LILRA2: variants seen among roughly 807,000 people sequenced by gnomAD.
LILRA2 encodes leukocyte immunoglobulin like receptor A2, also known as leukocyte immunoglobulin-like receptor subfamily A member 2.
In LILRA2, 45 loss-of-function variants were observed where a neutral mutation model predicts 47.9. The ratio of observed to expected loss-of-function variants is 0.94; its 90% CI spans 0.74 to 1.20. The LOEUF (loss-of-function observed/expected upper bound fraction) is 1.20. Ranked by LOEUF, LILRA2 falls within the 50% of genes most tolerant of loss-of-function variation. The pLI, the probability that LILRA2 is intolerant of heterozygous loss-of-function variation, is 0.00. For missense variants in LILRA2, 651 were observed against 598.2 expected, an observed-to-expected ratio of 1.09 and a Z score of -0.92; for synonymous variants, 279 against 249.2, an observed-to-expected ratio of 1.12 and a Z score of -1.13.
upstream of LILRA2, chr19:54,573,520 G>A: frequency 1.1e-6 from 1 of 878,196 alleles, no homozygotes; most frequent in African/African-American, 1.7e-5. Context: ...GGAAGAGGAA[G>A]CCTCTGCTCA....
At position 54,577,332 on chromosome 19, in the gene LILRA2, G is replaced by A. The variant is rs1402386196; in HGVS notation, c.1255+1223G>A. 4 of 567,094 alleles carry A rather than the reference G, an allele frequency of 7.1e-6. No homozygotes were observed. The African/African-American group carries it at 7.9e-5, about 11-fold the overall frequency. The allele number at this position is 567,094 out of a possible 1,614,324, so 35.1% of individuals were successfully genotyped here. ...AGAGGAAGGAGAACAGGCTGGGTGG[G>A]GAGGATTTGGGGTCCAGGCCTGACT... On this transcript the variant is annotated intron_variant, in intron 6 of 7. Transcript: ENST00000391738.
At chr19:54,582,022 A>G (rs1463385331) in intron 6 of LILRA2, among the ~76,000 whole-genome samples, 1 of 152,142 alleles carries the variant, frequency 6.6e-6, no homozygotes, top group Non-Finnish European at 1.5e-5. Flanking sequence ...TTCTGCATCT[A>G]TTAAGATAAT....
intron 6 of LILRA2, chr19:54,577,372 A>G (rs559469340): frequency 9.6e-7 from 1 of 1,037,712 alleles, no homozygotes; most frequent in African/African-American, 1.7e-5. Flanking sequence ...CACTGGGAAG[A>G]TGCTGGGGCT....
intron 6 of LILRA2, chr19:54,577,685 AT>A: frequency 7.8e-7 from 1 of 1,283,464 alleles, no homozygotes; most frequent in African/African-American, 1.5e-5. Context: ...ATCCCTGAGA[AT>A]AAGGAGGGGC....
intron 6 of LILRA2, among the ~76,000 whole-genome samples, chr19:54,578,581 A>C (rs772492707): frequency 6.6e-6 from 1 of 152,234 alleles, no homozygotes; most frequent in Non-Finnish European, 1.5e-5. Flanking sequence ...CACAGTAAAC[A>C]TATGTGTGCA....
chr19:54,574,359 T>C lies in LILRA2; in HGVS notation c.129T>C (p.Ser43=). 1 of 1,614,176 alleles carries C rather than the reference T, an allele frequency of 6.2e-7. No homozygotes were observed. Among genetic ancestry groups the C allele is most frequent in the South Asian group, 1.1e-5 (1 of 91,082 alleles). Residue 43 remains serine (S), a synonymous_variant, in exon 3 of 8, where the codon AGT becomes AGC. Coordinates refer to ENST00000391738, the MANE Select transcript of LILRA2 (RefSeq NM_001130917.3). ...CAGGCTCTGTGATCATCCAGGGAAG[T>C]CCTGTGACCCTCAGGTGTCAGGGGA... ...AEPGSVIIQG[S]PVTLRCQGSL...
intron 6 of LILRA2, among the ~76,000 whole-genome samples, chr19:54,581,986 G>A (rs112478103): frequency 0.04 from 6,051 of 152,202 alleles, 139 homozygotes; most frequent in South Asian, 0.056. Flanking sequence ...TAGCATGAAG[G>A]GCTGTTGAAT....
chr19:54,574,051 T>A, intron 1 of LILRA2, 25 bp from the exon 2 acceptor site: 1 of 1,613,762 alleles, frequency 6.2e-7, no homozygotes, highest in Non-Finnish European at 8.5e-7. Flanking sequence ...AGGGGAAAAA[T>A]CCCTCACAGG....
chr19:54,577,757 C>G (rs1005228943), intron 6 of LILRA2: 1 of 1,177,978 alleles, frequency 8.5e-7, no homozygotes, highest in African/African-American at 1.6e-5. Context: ...CTGTTTAACT[C>G]ATTTCTACTC....
At chr19:54,576,133 T>C (rs1406903076) in intron 6 of LILRA2, 24 bp downstream of exon 6, 1 of 1,612,584 alleles carries the variant, frequency 6.2e-7, no homozygotes, top group African/African-American at 1.3e-5. Context: ...TCTTGTCCTC[T>C]CCGAGCTCAA....
At chr19:54,575,691 AG>A in intron 5 of LILRA2, 115 bp from the exon 6 acceptor site, 1 of 788,782 alleles carries the variant, frequency 1.3e-6, no homozygotes, top group Non-Finnish European at 2.0e-6. Context: ...ATGGGCGGGG[AG>A]GGGAGACTCA....
Position 54,582,722 on chromosome 19 carries a change from A to G in LILRA2, c.1256-4288A>G, listed in dbSNP as rs527409994. Among the ~76,000 whole-genome samples, 152 of 152,178 alleles carry G rather than the reference A, an allele frequency of 1.0e-3. 2 individuals carry two copies. The highest frequency in any genetic ancestry group is 9.9e-3 in the Admixed American group (151 of 15,276). ...TCAATTTTGTTGATCTTTTCAAAAAACCAGCTCCAGGATTCATTGATTTTT... is the reference window on the plus strand; with the variant it reads ...TCAATTTTGTTGATCTTTTCAAAAAGCCAGCTCCAGGATTCATTGATTTTT... On this transcript the variant is annotated intron_variant, in intron 6 of 7. Coordinates refer to ENST00000391738, the MANE Select transcript of LILRA2 (RefSeq NM_001130917.3).
rs9304761 is a variant in LILRA2 at position 54,589,683 on chromosome 19, G to C, written c.*2337G>C. ...GAACCTAGACTAATACACTCACCCC[G>C]TCTCCTTGTTCGGAGGCTCTCCTGC... On this transcript the variant is annotated 3_prime_UTR_variant, in exon 8 of 8. Coordinates refer to ENST00000391738, the MANE Select transcript of LILRA2 (RefSeq NM_001130917.3). 33,901 of 151,654 alleles carry C rather than the reference G, an allele frequency of 0.22. 5,487 individuals carry two copies. The highest frequency in any genetic ancestry group is 0.44 in the African/African-American group (18,360 of 41,432). 9.4% of individuals were successfully genotyped at this position (151,654 alleles called of 1,614,324 possible).
At chr19:54,577,739 A>T (rs2062514537) in intron 6 of LILRA2, 9 of 1,214,920 alleles carry the variant, frequency 7.4e-6, no homozygotes, top group Non-Finnish European at 8.4e-6. Flanking sequence ...TATTCACAGC[A>T]CGTCTTTCTG....
Position 54,573,819 on chromosome 19 carries a change from C to T in LILRA2, c.-60C>T. On this transcript the variant is annotated 5_prime_UTR_variant, in exon 1 of 8. Coordinates refer to ENST00000391738, the MANE Select transcript of LILRA2 (RefSeq NM_001130917.3). ...GAGTGTCCACACCCTGTGCGTCTCT[C>T]TGTCCTGCCAGCACTGAGGGCTCAT... 1 of 1,612,278 alleles carries T rather than the reference C, an allele frequency of 6.2e-7. No individual in the cohort carries two copies. Among genetic ancestry groups the T allele is most frequent in the Non-Finnish European group, 8.5e-7 (1 of 1,179,244 alleles).
In LILRA2 at chr19:54,574,559, A is replaced by C; in HGVS notation, c.329A>C (p.Asp110Ala). The change falls in exon 3 of 8, where the codon GAC becomes GCC. Residue 110 changes from aspartate to alanine, a missense_variant. Transcript: ENST00000391738. ...CACAATCACTCATCAGAGTACAGTG[A>C]CCCCCTGGAGCTGGTGGTGACAGGT... ...YSHNHSSEYS[D>A]PLELVVTGAY... 6.2e-7 allele frequency: 1 copy of C among 1,613,768 alleles called. No homozygotes were observed. The highest frequency in any genetic ancestry group is 1.1e-5 in the South Asian group (1 of 91,070).
chr19:54,579,135 G>A (rs939674991), intron 6 of LILRA2, among the ~76,000 whole-genome samples: 1 of 152,042 alleles, frequency 6.6e-6, no homozygotes, highest in Non-Finnish European at 1.5e-5. Flanking sequence ...TGTCTATTTT[G>A]GCTTTTGGTG....
intron 6 of LILRA2, among the ~76,000 whole-genome samples, chr19:54,583,511 C>G (rs973159783): frequency 1.3e-5 from 2 of 151,942 alleles, no homozygotes; most frequent in Admixed American, 6.6e-5. Context: ...TGAATTGATC[C>G]CTTTACCATA....
intron 6 of LILRA2, among the ~76,000 whole-genome samples, chr19:54,583,350 T>C (rs1419195591): frequency 6.6e-6 from 1 of 152,226 alleles, no homozygotes; most frequent in African/African-American, 2.4e-5. Context: ...TTATGTGTCA[T>C]TGATCTAATA....
Sources: allele counts gnomAD v4.1 joint callset (sites outside exome capture counted in the v4.1 genomes callset), GRCh38; gene constraint gnomAD v4.1.1; transcripts MANE v1.5; gene names NCBI Gene and HGNC (gene_info 2026-07-23, HGNC 2026-07-21).